TXNRD1: variants seen among roughly 807,000 people sequenced by gnomAD.
TXNRD1 encodes thioredoxin reductase 1, cytoplasmic.
TXNRD1 carries 57 observed loss-of-function variants against 80.3 expected under a neutral mutation model. The ratio of observed to expected loss-of-function variants is 0.71; its 90% CI spans 0.57 to 0.89. The LOEUF (loss-of-function observed/expected upper bound fraction) is 0.89. Among genes scored for constraint, TXNRD1 ranks in the 40% least tolerant of loss-of-function variants. TXNRD1 has a pLI of 0.00. For synonymous variants in TXNRD1, 291 were observed against 285.2 expected (o/e 1.02, Z -0.20); for missense variants, 730 against 803.0 (o/e 0.91, Z 1.10).
At chr12:104,304,479 C>CA (rs1321620023) in intron 4 of TXNRD1, 1 of 1,613,826 alleles carries the variant, frequency 6.2e-7, no homozygotes, top group East Asian at 2.2e-5. Flanking sequence ...CGTTCTGCAC[C>CA]AAAGCCCCGA....
At position 104,289,157 on chromosome 12, in the gene TXNRD1, G is replaced by A. The variant is rs1256566544; in HGVS notation, c.414+117G>A. On this transcript the variant is annotated intron_variant, in intron 4 of 16. Transcript: ENST00000525566. ...GACCCTCCAAACGGGACGCAGCGCTGGGAAATGACGAAAAACGCTCGTGGG... is the reference window on the plus strand; with the variant it reads ...GACCCTCCAAACGGGACGCAGCGCTAGGAAATGACGAAAAACGCTCGTGGG... The A allele has an allele frequency of 2.3e-6, 3 of 1,286,544 alleles. No individual in the cohort carries two copies. The African/African-American group carries it at 4.4e-5, about 19-fold the overall frequency. 79.7% of individuals were successfully genotyped at this position (1,286,544 alleles called of 1,614,324 possible).
chr12:104,222,489 C>G lies in TXNRD1; in HGVS notation c.91+6596C>G, dbSNP rs553853564. ...AATTCAAGGACTAGGGACATATAATCAAAGAAATGATGAATTGAATTTGCT... is the reference window on the plus strand; with the variant it reads ...AATTCAAGGACTAGGGACATATAATGAAAGAAATGATGAATTGAATTTGCT... On this transcript the variant is annotated intron_variant, in intron 1 of 16. Coordinates refer to ENST00000525566, the MANE Select transcript of TXNRD1 (RefSeq NM_001093771.3). Among the ~76,000 whole-genome samples the G allele has an allele frequency of 2.6e-5, 4 of 152,222 alleles. No individual in the cohort carries two copies. The South Asian group carries it at 8.3e-4, about 32-fold the overall frequency.
At chr12:104,240,260 C>G (rs531138159) in intron 1 of TXNRD1, among the ~76,000 whole-genome samples, 4 of 152,232 alleles carry the variant, frequency 2.6e-5, no homozygotes, top group African/African-American at 9.6e-5. Context: ...GTCTAAGTAC[C>G]ATTGTTTTCT....
At chr12:104,293,932 G>A (rs909609106) in intron 4 of TXNRD1, among the ~76,000 whole-genome samples, 4 of 152,214 alleles carry the variant, frequency 2.6e-5, no homozygotes, top group South Asian at 2.1e-4. Context: ...TGGACAGGGG[G>A]CCCTTCCCTG....
chr12:104,296,768 G>GCT (rs1435711912), intron 4 of TXNRD1, among the ~76,000 whole-genome samples: 3 of 152,210 alleles, frequency 2.0e-5, no homozygotes, highest in African/African-American at 4.8e-5. Context: ...CAGGAACCAA[G>GCT]CTCTAGGTTG....
chr12:104,298,296 G>C (rs561095229), intron 4 of TXNRD1, among the ~76,000 whole-genome samples: 93 of 152,226 alleles, frequency 6.1e-4, no homozygotes, highest in African/African-American at 1.8e-3. Flanking sequence ...CCTTCAAAGT[G>C]TTACTGTACA....
chr12:104,328,758 C>CAA (rs33918583), intron 13 of TXNRD1, among the ~76,000 whole-genome samples: 41 of 92,756 alleles, frequency 4.4e-4, no homozygotes, highest in Non-Finnish European at 3.8e-4. Flanking sequence ...GACTCTGCCT[C>CAA]AAAAAAAAAA....
chr12:104,317,630 C>T (rs1235177470), intron 7 of TXNRD1, among the ~76,000 whole-genome samples: 2 of 152,084 alleles, frequency 1.3e-5, no homozygotes, highest in Middle Eastern at 3.2e-3. Context: ...AGTTTGAGAC[C>T]AGAAGTTCGA....
chr12:104,304,554 A>C, intron 4 of TXNRD1: 2 of 1,614,066 alleles, frequency 1.2e-6, no homozygotes, highest in East Asian at 4.5e-5. Context: ...AAGTTGCAGA[A>C]GTTGGACCTG....
At chr12:104,265,483 G>A (rs1024670762) in intron 3 of TXNRD1, 46 of 1,609,546 alleles carry the variant, frequency 2.9e-5, no homozygotes, top group African/African-American at 1.3e-5. Context: ...GAAGTCTTCA[G>A]GGGAGATTGT....
intron 5 of TXNRD1, among the ~76,000 whole-genome samples, chr12:104,313,041 A>G (rs1438769673): frequency 5.3e-5 from 8 of 152,182 alleles, no homozygotes; most frequent in Admixed American, 5.2e-4. Context: ...ATAATTTTAA[A>G]ATCTACTCTC....
At chr12:104,241,959 G>C (rs1232583844) in intron 1 of TXNRD1, among the ~76,000 whole-genome samples, 2 of 8,262 alleles carry the variant, frequency 2.4e-4, no homozygotes, top group African/African-American at 3.9e-4. Context: ...TTTTTTTTTT[G>C]AGATGGAGTC....
At chr12:104,242,652 C>T (rs2032899355) in intron 1 of TXNRD1, among the ~76,000 whole-genome samples, 1 of 152,024 alleles carries the variant, frequency 6.6e-6, no homozygotes, top group Non-Finnish European at 1.5e-5. Flanking sequence ...ATATGTTTTT[C>T]TTCTTCCATT....
At position 104,311,559 on chromosome 12, in the gene TXNRD1, A is replaced by G. The variant is rs542648893; in HGVS notation, c.537+147A>G. The G allele has an allele frequency of 1.2e-5, 12 of 968,118 alleles. No homozygotes were observed. In the East Asian group the frequency reaches 2.4e-4, roughly 19 times the overall value. The allele number at this position is 968,118 out of a possible 1,614,324, so 60.0% of individuals were successfully genotyped here. A position where few individuals can be genotyped will look rare whatever the true frequency, so the allele number is the denominator to read the frequency against. ...ACATTAACTTGGGCAGGACATGGAC[A>G]TCGTAAGGGACCACTTTATAAATCA... On this transcript the variant is annotated intron_variant, in intron 5 of 16. Coordinates refer to ENST00000525566, the MANE Select transcript of TXNRD1 (RefSeq NM_001093771.3).
At chr12:104,263,097 G>A (rs570052240) in intron 3 of TXNRD1, among the ~76,000 whole-genome samples, 5 of 152,290 alleles carry the variant, frequency 3.3e-5, no homozygotes, top group South Asian at 4.1e-4. Flanking sequence ...ACTCAGAACC[G>A]GGAGGCCTGG....
chr12:104,303,103 T>A (rs73180135), intron 4 of TXNRD1, among the ~76,000 whole-genome samples: 1 of 152,252 alleles, frequency 6.6e-6, no homozygotes, highest in Non-Finnish European at 1.5e-5. Flanking sequence ...CACTCCTGGG[T>A]AGTGGAGAAC....
At chr12:104,321,957 G>T (rs73180139) in intron 10 of TXNRD1, among the ~76,000 whole-genome samples, 36 of 151,588 alleles carry the variant, frequency 2.4e-4, no homozygotes, top group Non-Finnish European at 4.0e-4. Context: ...CAGGGAAAAT[G>T]GTGGGACTAT....
intron 16 of TXNRD1, 21 bp from the exon 17 acceptor site, chr12:104,348,332 G>C: frequency 6.2e-7 from 1 of 1,613,578 alleles, no homozygotes; most frequent in Non-Finnish European, 8.5e-7. Context: ...TGAAGATGTT[G>C]TGCTTTCTCT....
chr12:104,345,298 TG>T (rs1194076392), intron 16 of TXNRD1, among the ~76,000 whole-genome samples: 3 of 152,222 alleles, frequency 2.0e-5, no homozygotes, highest in African/African-American at 7.2e-5. Flanking sequence ...TACTTTAAAC[TG>T]AGTGCTCAAA....
Sources: gnomAD v4.1 joint callset for allele counts (sites outside exome capture counted in the v4.1 genomes callset) on GRCh38, gnomAD v4.1.1 for gene constraint, MANE v1.5 for transcripts, NCBI Gene and HGNC (gene_info 2026-07-23, HGNC 2026-07-21) for gene names.